The following SYT1 variants were observed in gnomAD, a reference collection of about 807,000 sequenced individuals.
SYT1 encodes the protein synaptotagmin 1, also known as synaptotagmin-1.
SYT1 carries 8 observed loss-of-function variants against 44.8 expected under a neutral mutation model. That is an observed-to-expected ratio of 0.18 (90% confidence interval 0.10 to 0.32). The LOEUF is 0.32. Ranked by LOEUF, SYT1 falls within the 10% of genes least tolerant of loss-of-function variation. SYT1 has a pLI of 1.00. For missense variants in SYT1, 286 were observed against 509.3 expected (o/e 0.56, Z 4.22); for synonymous variants, 154 against 188.8 (o/e 0.82, Z 1.51).
chr12:79,135,626 G>A (rs1869139643), intron 3 of SYT1, among the ~76,000 whole-genome samples: 1 of 152,100 alleles, frequency 6.6e-6, no homozygotes, highest in African/African-American at 2.4e-5. Flanking sequence ...TTGTAAAGTA[G>A]GTTACTCCAG....
rs965847903 is a variant in SYT1, at chr12:79,242,563, A to AT, written c.166+24885dup. 7.2e-5 allele frequency among the ~76,000 whole-genome samples: 11 copies of AT among 152,310 alleles called. 1 individual carries two copies. The highest frequency in any genetic ancestry group is 1.9e-4 in the East Asian group (1 of 5,188). On this transcript the variant is annotated intron_variant, in intron 4 of 10. Coordinates refer to ENST00000261205, the MANE Select transcript of SYT1 (RefSeq NM_005639.3). ...GTTTTCAAGCAACAAGCAAAGTGAT[A>AT]TTTTTTTAAATCATGGCTTCTACAC...
chr12:79,171,571 T>A lies in SYT1; in HGVS notation c.-17-45932T>A, dbSNP rs550362756. Among the ~76,000 whole-genome samples, 7 of 152,136 alleles carry A rather than the reference T, an allele frequency of 4.6e-5. No homozygotes were observed. The South Asian group carries it at 1.0e-3, about 22-fold the overall frequency. On this transcript the variant is annotated intron_variant, in intron 3 of 10. Transcript: ENST00000261205. ...TTATAAATAAAAAAGTTCTTTCAAA[T>A]TAATTCCATTTACTATGTTTTATAT...
intron 2 of SYT1, among the ~76,000 whole-genome samples, chr12:78,990,662 T>C (rs1869955427): frequency 6.6e-6 from 1 of 152,210 alleles, no homozygotes; most frequent in African/African-American, 2.4e-5. Flanking sequence ...ACATTTCAAA[T>C]TTCATTTTGT....
intron 3 of SYT1, among the ~76,000 whole-genome samples, chr12:79,139,953 C>T (rs750200864): frequency 9.2e-5 from 14 of 152,152 alleles, no homozygotes; most frequent in Non-Finnish European, 2.1e-4. Context: ...GGGAAAAGAC[C>T]ATACAAACCT....
At chr12:79,241,620 A>G (rs1876518521) in intron 4 of SYT1, among the ~76,000 whole-genome samples, 1 of 152,238 alleles carries the variant, frequency 6.6e-6, no homozygotes, top group Admixed American at 6.5e-5. Context: ...AAGCATAGGA[A>G]AATGACTAAG....
Position 79,153,776 on chromosome 12 carries a change from G to A in SYT1, c.-17-63727G>A, listed in dbSNP as rs906088075. On this transcript the variant is annotated intron_variant, in intron 3 of 10. Transcript: ENST00000261205. ...GTCTTTACTTAAAATGAGTCATTAC[G>A]ATGGTGCTATTTTTCTTTCTACTGT... 2.6e-5 allele frequency among the ~76,000 whole-genome samples: 4 copies of A among 151,970 alleles called. No homozygotes were observed. The East Asian group carries it at 5.8e-4, about 22-fold the overall frequency.
chr12:79,256,773 GTTAA>G (rs1437347185), intron 4 of SYT1, among the ~76,000 whole-genome samples: 1 of 152,186 alleles, frequency 6.6e-6, no homozygotes, highest in Non-Finnish European at 1.5e-5. Flanking sequence ...ATCTACTCAA[GTTAA>G]TTAATCCATG....
chr12:78,901,674 G>A (rs1367034637), intron 1 of SYT1, among the ~76,000 whole-genome samples: 1 of 152,122 alleles, frequency 6.6e-6, no homozygotes, highest in East Asian at 1.9e-4. Flanking sequence ...ATTTGTTCAT[G>A]TAGTTGTTGG....
intron 2 of SYT1, among the ~76,000 whole-genome samples, chr12:79,017,800 G>A (rs989688064): frequency 3.7e-4 from 56 of 152,042 alleles, no homozygotes; most frequent in African/African-American, 1.2e-3. Context: ...CTCTGTCAAC[G>A]AGGAAATAAA....
chr12:79,367,693 T>C (rs920638660), intron 9 of SYT1, among the ~76,000 whole-genome samples: 1 of 151,616 alleles, frequency 6.6e-6, no homozygotes, highest in African/African-American at 2.4e-5. Context: ...AAAAAAAAAA[T>C]AGAAAAACCT....
chr12:79,318,972 C>A (rs926096134), intron 8 of SYT1, among the ~76,000 whole-genome samples: 1 of 152,096 alleles, frequency 6.6e-6, no homozygotes, highest in South Asian at 2.1e-4. Context: ...TTTGAAATGC[C>A]CGCCTGATAT....
chr12:79,240,109 C>T (rs1876413002), intron 4 of SYT1, among the ~76,000 whole-genome samples: 1 of 152,176 alleles, frequency 6.6e-6, no homozygotes, highest in South Asian at 2.1e-4. Flanking sequence ...AAAGAGAAGG[C>T]TTACATAGGG....
chr12:79,094,397 C>T (rs1877985398), intron 3 of SYT1, among the ~76,000 whole-genome samples: 1 of 151,798 alleles, frequency 6.6e-6, no homozygotes, highest in Non-Finnish European at 1.5e-5. Flanking sequence ...GTATTTAATT[C>T]ATAAGAACAA....
At chr12:79,299,211 A>T (rs747036806) in intron 7 of SYT1, among the ~76,000 whole-genome samples, 173 bp from the exon 8 acceptor site, 2 of 152,160 alleles carry the variant, frequency 1.3e-5, no homozygotes, top group Non-Finnish European at 2.9e-5. Flanking sequence ...TCTCTCAAGT[A>T]ATTTTAGCCT....
chr12:78,879,551 T>C (rs966205637), intron 1 of SYT1, among the ~76,000 whole-genome samples: 2 of 151,808 alleles, frequency 1.3e-5, no homozygotes, highest in African/African-American at 4.8e-5. Context: ...GCACCATTCA[T>C]CTAATTTTGT....
chr12:79,349,007 GAAAGAAAGAAAGAAAGAAAGAAAGAA>G lies in SYT1; in HGVS notation c.811-4470_811-4445del, dbSNP rs1193999726. Reference sequence around the variant, plus strand: ...AGAAAGAAAGAGAGAAGGAAAGAAAGAAAGAAAGAAAGAAAGAAAGAAAGAAAAAGAAAGAAAGAAAGAAAGAAAGG... The same window carrying G: ...AGAAAGAAAGAGAGAAGGAAAGAAAGAAAGAAAGAAAGAAAGAAAGAAAGG... On this transcript the variant is annotated intron_variant, in intron 8 of 10. Transcript: ENST00000261205. 4.8e-4 allele frequency among the ~76,000 whole-genome samples: 11 copies of G among 22,968 alleles called. 1 individual carries two copies. The highest frequency in any genetic ancestry group is 1.7e-3 in the South Asian group (1 of 586). The allele number at this position is 22,968 out of a possible 152,430, so 15.1% of individuals were successfully genotyped here. A position where few individuals can be genotyped will look rare whatever the true frequency, so the allele number is the denominator to read the frequency against.
chr12:79,314,063 G>T (rs926351991), intron 8 of SYT1, among the ~76,000 whole-genome samples: 1 of 150,216 alleles, frequency 6.7e-6, no homozygotes, highest in Non-Finnish European at 1.5e-5. Flanking sequence ...CAGCTACTCG[G>T]GAGGCTGAGG....
At chr12:79,055,303 T>C (rs1056693785) in intron 3 of SYT1, among the ~76,000 whole-genome samples, 2 of 152,036 alleles carry the variant, frequency 1.3e-5, no homozygotes, top group Non-Finnish European at 2.9e-5. Flanking sequence ...TATTAGTCTT[T>C]ATTTTATTCT....
chr12:78,884,130 T>C (rs1030688225), intron 1 of SYT1, among the ~76,000 whole-genome samples: 1 of 151,694 alleles, frequency 6.6e-6, no homozygotes, highest in Non-Finnish European at 1.5e-5. Flanking sequence ...AACAGAAATA[T>C]TTAAAGCCCC....
Sources: allele counts gnomAD v4.1 joint callset (sites outside exome capture counted in the v4.1 genomes callset), GRCh38; gene constraint gnomAD v4.1.1; transcripts MANE v1.5; gene names NCBI Gene and HGNC (gene_info 2026-07-23, HGNC 2026-07-21).